Variants in MED27 observed in about 807,000 individuals in gnomAD.
The protein encoded by MED27 is mediator of RNA polymerase II transcription subunit 27.
A neutral mutation model predicts 38.2 loss-of-function variants in MED27; 30 were observed. That is an observed-to-expected ratio of 0.79 (90% CI 0.59 to 1.07). The LOEUF is 1.07. MED27 is among the 50% of genes least tolerant of loss of function. The pLI is 0.00. For missense variants in MED27, 289 were observed against 397.5 expected, an observed-to-expected ratio of 0.73 and a Z score of 2.32; for synonymous variants, 122 against 153.5, an observed-to-expected ratio of 0.79 and a Z score of 1.52.
At chr9:132,049,939 A>G (rs1227696665) in intron 2 of MED27, among the ~76,000 whole-genome samples, 1 of 152,194 alleles carries the variant, frequency 6.6e-6, no homozygotes, top group Non-Finnish European at 1.5e-5. Context: ...CACTATTTTA[A>G]GTTAAACTAT....
chr9:132,029,748 C>A (rs1400822068), intron 2 of MED27, among the ~76,000 whole-genome samples: 1 of 151,748 alleles, frequency 6.6e-6, no homozygotes, highest in African/African-American at 2.4e-5. Context: ...AACAAGCTGG[C>A]TTTCTATGAT....
At chr9:132,036,715 T>C (rs1262396948) in intron 2 of MED27, among the ~76,000 whole-genome samples, 2 of 152,160 alleles carry the variant, frequency 1.3e-5, no homozygotes, top group South Asian at 4.1e-4. Flanking sequence ...TGAAAACACA[T>C]TTATTACAGA....
At chr9:131,964,370 AGTAGTGAT>A (rs1831293959) in intron 3 of MED27, among the ~76,000 whole-genome samples, 1 of 45,404 alleles carries the variant, frequency 2.2e-5, no homozygotes, top group Non-Finnish European at 4.6e-5. Context: ...AGGTGATGGT[AGTAGTGAT>A]GGTGATGGTG....
intron 4 of MED27, among the ~76,000 whole-genome samples, chr9:131,898,292 T>TG (rs1829868422): frequency 6.6e-6 from 1 of 152,130 alleles, no homozygotes. Flanking sequence ...TGGAGTGCAG[T>TG]GGGGTGATCT....
chr9:131,959,476 C>T (rs1487756745), intron 3 of MED27, among the ~76,000 whole-genome samples: 6 of 152,136 alleles, frequency 3.9e-5, no homozygotes, highest in Non-Finnish European at 5.9e-5. Context: ...AATCCTGGCG[C>T]CGCTCTGGAA....
chr9:132,002,707 T>C (rs1832265211), intron 3 of MED27, among the ~76,000 whole-genome samples: 1 of 151,004 alleles, frequency 6.6e-6, no homozygotes, highest in South Asian at 2.1e-4. Context: ...AGGTCAGGAG[T>C]TCAAGAGCAG....
intron 6 of MED27, among the ~76,000 whole-genome samples, chr9:131,875,198 T>G (rs1403025424): frequency 1.4e-4 from 21 of 152,200 alleles, no homozygotes; most frequent in African/African-American, 4.3e-4. Context: ...CCCAGGATCC[T>G]GCCTACATCA....
chr9:131,986,078 G>A (rs1005503736), intron 3 of MED27, among the ~76,000 whole-genome samples: 3 of 152,128 alleles, frequency 2.0e-5, no homozygotes, highest in East Asian at 1.9e-4. Flanking sequence ...TAAGGTAAAC[G>A]TCATAACAAA....
At chr9:131,877,690 A>G (rs1838960994) in intron 6 of MED27, among the ~76,000 whole-genome samples, 1 of 152,198 alleles carries the variant, frequency 6.6e-6, no homozygotes, top group Admixed American at 6.5e-5. Context: ...GACTCAGAGG[A>G]GGGTGACGGT....
chr9:131,929,429 G>A (rs1589217523), intron 4 of MED27, among the ~76,000 whole-genome samples: 1 of 152,156 alleles, frequency 6.6e-6, no homozygotes, highest in East Asian at 1.9e-4. Context: ...TGGGGTCCCT[G>A]AGTCCAGGCC....
chr9:132,001,978 C>A (rs1415528941), intron 3 of MED27, among the ~76,000 whole-genome samples: 1 of 152,234 alleles, frequency 6.6e-6, no homozygotes. Context: ...GGCTGGGAGT[C>A]ACTGTTGTTC....
intron 3 of MED27, among the ~76,000 whole-genome samples, chr9:131,940,695 C>T (rs937870304): frequency 1.3e-5 from 2 of 152,190 alleles, no homozygotes; most frequent in Non-Finnish European, 2.9e-5. Context: ...GGATTACAGG[C>T]GTGAGCCACT....
At chr9:131,960,871 T>C (rs1229939602) in intron 3 of MED27, among the ~76,000 whole-genome samples, 1 of 152,088 alleles carries the variant, frequency 6.6e-6, no homozygotes, top group African/African-American at 2.4e-5. Context: ...CCTCAGTCGA[T>C]GAGAATAATA....
chr9:132,010,294 C>T (rs1249867397), intron 3 of MED27, among the ~76,000 whole-genome samples: 2 of 152,240 alleles, frequency 1.3e-5, no homozygotes, highest in African/African-American at 2.4e-5. Context: ...CTCATCATCA[C>T]TGGCCATCAG....
intron 2 of MED27, among the ~76,000 whole-genome samples, chr9:132,064,376 C>T (rs532222535): frequency 2.0e-5 from 3 of 152,288 alleles, no homozygotes; most frequent in Admixed American, 6.5e-5. Context: ...AAAGGAATAA[C>T]AAATATGTAG....
chr9:131,951,253 A>G (rs1830990381), intron 3 of MED27, among the ~76,000 whole-genome samples: 1 of 152,246 alleles, frequency 6.6e-6, no homozygotes, highest in Admixed American at 6.5e-5. Flanking sequence ...AAGTGTCATC[A>G]ATCACGGTAT....
Position 131,939,491 on chromosome 9 carries a change from T to A in MED27, c.480-17A>T. 2 of 1,555,568 alleles carry A rather than the reference T, an allele frequency of 1.3e-6. No individual in the cohort carries two copies. Among genetic ancestry groups the A allele is most frequent in the Non-Finnish European group, 1.8e-6 (2 of 1,138,054 alleles). Reference sequence around the variant, plus strand: ...TCAACATATCTACATGGGAAAAAAATAAACATGTGTGAACTACAACTCCAG... The same window carrying A: ...TCAACATATCTACATGGGAAAAAAAAAAACATGTGTGAACTACAACTCCAG... On this transcript the variant is annotated splice_polypyrimidine_tract_variant and intron_variant, in intron 3 of 7. Transcript: ENST00000292035.
At chr9:131,875,622 C>T (rs1564263856) in intron 6 of MED27, among the ~76,000 whole-genome samples, 2 of 152,178 alleles carry the variant, frequency 1.3e-5, no homozygotes, top group Non-Finnish European at 2.9e-5. Flanking sequence ...AAGACATTCA[C>T]CTTACACTTC....
rs1327377976 is a variant in MED27, at chr9:131,917,184, A to G, written c.573+22197T>C. Among the ~76,000 whole-genome samples the G allele has an allele frequency of 6.6e-6, 1 of 152,094 alleles. No homozygotes were observed. Among genetic ancestry groups the G allele is most frequent in the African/African-American group, 2.4e-5 (1 of 41,404 alleles). On this transcript the variant is annotated intron_variant, in intron 4 of 7. Transcript: ENST00000292035. The surrounding 1 kb of genome is among the most constrained non-coding windows in gnomAD (Gnocchi z 4.6). ...AGCAGATTGGAGCCAGGAATGCTAA[A>G]CCTTCTGCAATACGCTGGCCAGTTC...
Sources: allele counts gnomAD v4.1 joint callset (sites outside exome capture counted in the v4.1 genomes callset), GRCh38; gene constraint gnomAD v4.1.1; non-coding constraint Gnocchi (gnomAD v3.1); transcripts MANE v1.5; gene names NCBI Gene and HGNC (gene_info 2026-07-23, HGNC 2026-07-21).